BPNT1: variants seen among roughly 807,000 people sequenced by gnomAD.
BPNT1 encodes the protein 3'(2'),5'-bisphosphate nucleotidase 1.
A neutral mutation model predicts 36.9 loss-of-function variants in BPNT1; 28 were observed. That is an observed-to-expected ratio of 0.76 (90% CI 0.56 to 1.04). The LOEUF (loss-of-function observed/expected upper bound fraction) is 1.04. Among genes scored for constraint, BPNT1 ranks in the 50% least tolerant of loss-of-function variants. BPNT1 has a pLI of 0.00. For synonymous variants in BPNT1, 119 were observed against 130.9 expected, an observed-to-expected ratio of 0.91 and a Z score of 0.62; for missense variants, 313 against 372.9, an observed-to-expected ratio of 0.84 and a Z score of 1.32.
At chr1:220,085,758 A>C (rs536231084) in intron 1 of BPNT1, among the ~76,000 whole-genome samples, 15 of 152,362 alleles carry the variant, frequency 9.8e-5, no homozygotes, top group African/African-American at 3.6e-4. Flanking sequence ...TCTGAGCTTT[A>C]GGCTTGGAGA....
At chr1:220,084,193 G>A (rs577979350) in intron 1 of BPNT1, among the ~76,000 whole-genome samples, 7 of 152,030 alleles carry the variant, frequency 4.6e-5, no homozygotes, top group African/African-American at 1.7e-4. Context: ...TTAGTCGGGC[G>A]TGGTGGTGGG....
intron 4 of BPNT1, among the ~76,000 whole-genome samples, chr1:220,072,277 C>A (rs560059609): frequency 1.3e-5 from 2 of 151,634 alleles, no homozygotes; most frequent in South Asian, 4.2e-4. Flanking sequence ...GCAGGAGAAT[C>A]GCCTGAACCC....
At chr1:220,084,074 T>C (rs77122751) in intron 1 of BPNT1, among the ~76,000 whole-genome samples, 2 of 152,124 alleles carry the variant, frequency 1.3e-5, no homozygotes, top group African/African-American at 2.4e-5. Flanking sequence ...GGCTCACGCA[T>C]GTAATCCCAG....
intron 6 of BPNT1, among the ~76,000 whole-genome samples, chr1:220,066,269 CTTAAAG>C (rs1407133882): frequency 6.6e-6 from 1 of 152,096 alleles, no homozygotes; most frequent in African/African-American, 2.4e-5. Context: ...ATAGTATTAA[CTTAAAG>C]TTTACATAAA....
intron 4 of BPNT1, 106 bp downstream of exon 4, chr1:220,072,744 C>T: frequency 1.2e-6 from 1 of 860,732 alleles, no homozygotes; most frequent in Non-Finnish European, 1.9e-6. Context: ...TCTGGTTGCC[C>T]CTATTTTATA....
rs760263600 is a variant in BPNT1 at position 220,062,920 on chromosome 1, C to T, written c.509G>A (p.Trp170Ter). 3.1e-6 allele frequency: 5 copies of T among 1,614,152 alleles called. No homozygotes were observed. Among genetic ancestry groups the T allele is most frequent in the Non-Finnish European group, 4.2e-6 (5 of 1,180,038 alleles). ...GPDAVLGRTI[W>*]GVLGLGAFGF... is the part of the protein sequence containing the mutation. Reference sequence around the variant, plus strand: ...AAAGGCGCCTAAACCTAAAACTCCCCAGATTGTCCTCCCCAACACAGCATC... The same window carrying T: ...AAAGGCGCCTAAACCTAAAACTCCCTAGATTGTCCTCCCCAACACAGCATC... The change falls in exon 7 of 9, where the codon TGG becomes TAG. Residue 170 changes from tryptophan (W) to a stop codon, truncating the protein, a stop_gained. Transcript: ENST00000322067. LOFTEE classifies it high-confidence loss of function.
rs994798695 is a variant in BPNT1, at chr1:220,058,017, A to C, written c.*827T>G. Reference sequence around the variant, plus strand: ...ACGGTGAAACACCTTCTCTACTAAAAATACAAAAAATTAGCCAGGCGTGGT... The same window carrying C: ...ACGGTGAAACACCTTCTCTACTAAACATACAAAAAATTAGCCAGGCGTGGT... On this transcript the variant is annotated 3_prime_UTR_variant, in exon 9 of 9. Transcript: ENST00000322067. 1.7e-6 allele frequency: 1 copy of C among 579,358 alleles called. No homozygotes were observed. The highest frequency in any genetic ancestry group is 2.0e-5 in the African/African-American group (1 of 50,550). The allele number at this position is 579,358 out of a possible 1,614,324, so 35.9% of individuals were successfully genotyped here.
intron 2 of BPNT1, among the ~76,000 whole-genome samples, chr1:220,077,647 C>T (rs1486553794): frequency 2.0e-5 from 3 of 152,060 alleles, no homozygotes; most frequent in South Asian, 2.1e-4. Flanking sequence ...AACTTTTGAA[C>T]GTGAGTTCAA....
At chr1:220,085,329 G>A (rs1655614422) in intron 1 of BPNT1, among the ~76,000 whole-genome samples, 1 of 152,162 alleles carries the variant, frequency 6.6e-6, no homozygotes, top group African/African-American at 2.4e-5. Flanking sequence ...CTCTTGTGAA[G>A]GTGTCTTTCT....
intron 4 of BPNT1, among the ~76,000 whole-genome samples, chr1:220,072,421 C>T (rs929770953): frequency 6.6e-6 from 1 of 151,680 alleles, no homozygotes; most frequent in African/African-American, 2.4e-5. Context: ...CTCAGGTGAT[C>T]CTCCCATCTC....
chr1:220,087,726 A>G (rs1008531252), intron 1 of BPNT1, among the ~76,000 whole-genome samples: 2 of 152,200 alleles, frequency 1.3e-5, no homozygotes, highest in African/African-American at 4.8e-5. Context: ...GAATAATCCA[A>G]TAGAAAAATG....
rs575974784 is a variant in BPNT1 at position 220,088,821 on chromosome 1, T to C, written c.-9+865A>G. Among the ~76,000 whole-genome samples the C allele has an allele frequency of 2.1e-5, 3 of 146,222 alleles. No individual in the cohort carries two copies. In the East Asian group the frequency reaches 6.1e-4, roughly 30 times the overall value. Reference sequence around the variant, plus strand: ...AAAAAAAAAAGAAAGAAAGAAAGGCTGGGCGCGGTGGCTCACGCCTGTAAT... The same window carrying C: ...AAAAAAAAAAGAAAGAAAGAAAGGCCGGGCGCGGTGGCTCACGCCTGTAAT... On this transcript the variant is annotated intron_variant, in intron 1 of 8. Coordinates refer to ENST00000322067, the MANE Select transcript of BPNT1 (RefSeq NM_006085.6).
intron 6 of BPNT1, among the ~76,000 whole-genome samples, chr1:220,063,215 G>C (rs1663221059): frequency 6.6e-6 from 1 of 152,132 alleles, no homozygotes; most frequent in South Asian, 2.1e-4. Context: ...GGGCATGGTG[G>C]TGGGTGCCTG....
chr1:220,078,302 TTA>T (rs202023986), intron 2 of BPNT1, among the ~76,000 whole-genome samples: 3 of 144,738 alleles, frequency 2.1e-5, no homozygotes, highest in South Asian at 2.1e-4. Context: ...CAAGGAAGAT[TTA>T]TATATATATA....
chr1:220,070,490 C>T (rs1039964830), intron 4 of BPNT1, among the ~76,000 whole-genome samples: 1 of 152,006 alleles, frequency 6.6e-6, no homozygotes, highest in Non-Finnish European at 1.5e-5. Flanking sequence ...GGACTACAGG[C>T]GCCTGCCACC....
chr1:220,071,030 A>G (rs1219492371), intron 4 of BPNT1, among the ~76,000 whole-genome samples: 1 of 150,880 alleles, frequency 6.6e-6, no homozygotes, highest in Non-Finnish European at 1.5e-5. Context: ...CCAGTTACTC[A>G]GGAGGCTGAG....
chr1:220,067,218 C>A lies in BPNT1; in HGVS notation c.474+84G>T, dbSNP rs57245106. 813 of 722,836 alleles carry A rather than the reference C, an allele frequency of 1.1e-3. 9 individuals are homozygous for A. The African/African-American group carries it at 0.014, about 13-fold the overall frequency. The allele number at this position is 722,836 out of a possible 1,614,324, so 44.8% of individuals were successfully genotyped here. Reference sequence around the variant, plus strand: ...ATTGCATATGCAACCAAGCTAAAAACCACTTGCTTAGGTAACATAAAGAAT... The same window carrying A: ...ATTGCATATGCAACCAAGCTAAAAAACACTTGCTTAGGTAACATAAAGAAT... On this transcript the variant is annotated intron_variant, in intron 6 of 8. Transcript: ENST00000322067.
At chr1:220,069,542 T>C (rs1387444172) in intron 4 of BPNT1, 110 bp from the exon 5 acceptor site, 3 of 741,904 alleles carry the variant, frequency 4.0e-6, no homozygotes, top group Non-Finnish European at 6.4e-6. Flanking sequence ...AATTGTATTA[T>C]GGATGGCTTA....
At chr1:220,064,982 T>C (rs1663409650) in intron 6 of BPNT1, among the ~76,000 whole-genome samples, 1 of 151,938 alleles carries the variant, frequency 6.6e-6, no homozygotes, top group Admixed American at 6.6e-5. Flanking sequence ...TAATTTTGTA[T>C]TTTTTTAGTA....
Sources: allele counts gnomAD v4.1 joint callset (sites outside exome capture counted in the v4.1 genomes callset), GRCh38; gene constraint gnomAD v4.1.1; transcripts MANE v1.5; gene names NCBI Gene and HGNC (gene_info 2026-07-23, HGNC 2026-07-21).